Variants in ELMO1 observed in about 807,000 individuals in gnomAD.
ELMO1 encodes engulfment and cell motility 1, also known as engulfment and cell motility protein 1.
Under a neutral mutation model 98.9 loss-of-function variants are expected in ELMO1, and 26 were observed. That is an observed-to-expected ratio of 0.26 (90% CI 0.19 to 0.36). The LOEUF is 0.36. Among genes scored for constraint, ELMO1 ranks in the 10% least tolerant of loss-of-function variants. The probability of loss-of-function intolerance (pLI) is 1.00; values close to 1 mark genes in which losing one functional copy is unlikely to be tolerated. For missense variants in ELMO1, 627 were observed against 935.2 expected (o/e 0.67, Z 4.30); for synonymous variants, 346 against 346.0 (o/e 1.00, Z 0.00).
chr7:37,428,705 G>C (rs1804808995), intron 1 of ELMO1, among the ~76,000 whole-genome samples: 1 of 152,250 alleles, frequency 6.6e-6, no homozygotes, highest in Non-Finnish European at 1.5e-5. Flanking sequence ...TTGCTGCTCA[G>C]AAGATCAGCT....
At chr7:37,173,732 G>A (rs1419040864) in intron 13 of ELMO1, among the ~76,000 whole-genome samples, 1 of 152,190 alleles carries the variant, frequency 6.6e-6, no homozygotes, top group African/African-American at 2.4e-5. Context: ...ATATAGAGAA[G>A]AGAAAAGAAA....
intron 4 of ELMO1, among the ~76,000 whole-genome samples, chr7:37,291,362 A>G (rs1464679706): frequency 6.6e-6 from 1 of 152,216 alleles, no homozygotes; most frequent in Non-Finnish European, 1.5e-5. Flanking sequence ...AAAAGGACAA[A>G]TCTGATTGAT....
chr7:37,412,428 G>A (rs1003814834), intron 1 of ELMO1, among the ~76,000 whole-genome samples: 6 of 152,262 alleles, frequency 3.9e-5, no homozygotes, highest in Middle Eastern at 3.4e-3. Context: ...TGGATAAATT[G>A]CCAATTTCTA....
intron 16 of ELMO1, among the ~76,000 whole-genome samples, chr7:36,939,921 TG>T (rs1297653941): frequency 6.6e-6 from 1 of 152,258 alleles, no homozygotes; most frequent in African/African-American, 2.4e-5. Context: ...CAAACCAGTA[TG>T]AATGAATTCA....
rs951357470 is a variant in ELMO1 at position 36,935,063 on chromosome 7, A to C, written c.1438-40046T>G. Among the ~76,000 whole-genome samples the C allele has an allele frequency of 3.9e-5, 6 of 152,138 alleles. No homozygotes were observed. In the East Asian group the frequency reaches 1.2e-3, roughly 29 times the overall value. ...TATGGTTTGGCTGTGTCCTCACCCA[A>C]ACCCCATCTCGAATTGTAGCTCCCA... On this transcript the variant is annotated intron_variant, in intron 16 of 21. Transcript: ENST00000310758.
At chr7:37,395,155 C>T (rs1377794790) in intron 1 of ELMO1, among the ~76,000 whole-genome samples, 1 of 151,958 alleles carries the variant, frequency 6.6e-6, no homozygotes, top group South Asian at 2.1e-4. Flanking sequence ...CACCTGAGGT[C>T]GGGAGTTTGA....
intron 4 of ELMO1, among the ~76,000 whole-genome samples, chr7:37,298,531 C>T (rs1798180095): frequency 2.7e-5 from 4 of 148,194 alleles, no homozygotes; most frequent in Admixed American, 6.8e-5. Flanking sequence ...TCAATTCCCA[C>T]CTATGAGTGA....
intron 16 of ELMO1, among the ~76,000 whole-genome samples, chr7:36,899,792 T>C (rs1453899645): frequency 1.3e-5 from 2 of 150,966 alleles, no homozygotes; most frequent in African/African-American, 4.9e-5. Flanking sequence ...ATACTGGATA[T>C]CTGGCAAATG....
chr7:36,855,556 T>A lies in ELMO1; in HGVS notation c.2179A>T (p.Asn727Tyr), dbSNP rs1358707431. ...PSNYDFVYDC[N>Y] ...CATGTCTGGGCCCGGCCACTTCAGT[T>A]ACAGTCATAGACGAAGTCATAGTTG... Residue 727 changes from asparagine (N) to tyrosine (Y), a missense_variant, in exon 22 of 22, where the codon AAC (asparagine) becomes TAC (tyrosine). Asn to Tyr is a moderately radical substitution (Grantham distance 143). Transcript: ENST00000310758. This position sits in a 1 kb window ranked among gnomAD's most constrained non-coding sequence, Gnocchi z 4.2. 1 of 1,613,930 alleles carries A rather than the reference T, an allele frequency of 6.2e-7. No homozygotes were observed. Among genetic ancestry groups the A allele is most frequent in the African/African-American group, 1.3e-5 (1 of 74,926 alleles).
intron 14 of ELMO1, 136 bp downstream of exon 14, chr7:37,132,994 T>C (rs1331476023): frequency 3.5e-6 from 2 of 575,530 alleles, no homozygotes; most frequent in East Asian, 6.5e-5. Context: ...TTCTGATTTT[T>C]TTTTTTTTTT....
At chr7:37,018,952 C>T (rs770035694) in intron 15 of ELMO1, among the ~76,000 whole-genome samples, 22 of 152,022 alleles carry the variant, frequency 1.4e-4, no homozygotes, top group African/African-American at 4.3e-4. Context: ...CATAGATAAG[C>T]GGGGGGCGGG....
intron 6 of ELMO1, among the ~76,000 whole-genome samples, chr7:37,257,156 C>T (rs536881377): frequency 6.6e-6 from 1 of 152,338 alleles, no homozygotes; most frequent in African/African-American, 2.4e-5. Context: ...TAAGAGCTGG[C>T]CCCGCCTGGC....
chr7:37,209,792 G>A (rs867913619), intron 13 of ELMO1, among the ~76,000 whole-genome samples: 3 of 152,098 alleles, frequency 2.0e-5, no homozygotes, highest in African/African-American at 4.8e-5. Context: ...TTTGGTCATC[G>A]ACACACAAGT....
At chr7:37,049,777 C>CTTT (rs34896674) in intron 15 of ELMO1, among the ~76,000 whole-genome samples, 2 of 131,068 alleles carry the variant, frequency 1.5e-5, no homozygotes, top group African/African-American at 2.8e-5. Context: ...TGTTTTGTTT[C>CTTT]TTTTTTTTTT....
intron 1 of ELMO1, among the ~76,000 whole-genome samples, chr7:37,391,055 CCTT>C (rs1292944923): frequency 6.7e-5 from 10 of 148,426 alleles, no homozygotes; most frequent in East Asian, 2.0e-4. Flanking sequence ...TTCCTTCCTT[CCTT>C]CCTCCCTCCC....
intron 1 of ELMO1, among the ~76,000 whole-genome samples, chr7:37,432,732 A>G (rs1174906454): frequency 6.6e-6 from 1 of 152,236 alleles, no homozygotes; most frequent in Non-Finnish European, 1.5e-5. Flanking sequence ...CTCGTCACCC[A>G]CAGGCACTGG....
chr7:36,861,826 G>C lies in ELMO1; in HGVS notation c.1906-90C>G. 2.4e-6 allele frequency: 3 copies of C among 1,266,872 alleles called. No homozygotes were observed. The South Asian group carries it at 3.6e-5, about 15-fold the overall frequency. 78.5% of individuals were successfully genotyped at this position (1,266,872 alleles called of 1,614,324 possible). A position where few individuals can be genotyped will look rare whatever the true frequency, so the allele number is the denominator to read the frequency against. On this transcript the variant is annotated intron_variant, in intron 20 of 21. Transcript: ENST00000310758. ...ATGGCTGCACATTGACCATGGCATA[G>C]GGCCAGCTTGTCTAGCCAAGCGGAG...
chr7:37,116,677 A>G (rs1785615512), intron 14 of ELMO1: 1 of 152,046 alleles, frequency 6.6e-6, no homozygotes, highest in African/African-American at 2.4e-5. Flanking sequence ...AAATTAAAAA[A>G]AAAAAAAGAA....
intron 16 of ELMO1, among the ~76,000 whole-genome samples, chr7:37,013,025 G>T (rs939273567): frequency 6.6e-6 from 1 of 152,092 alleles, no homozygotes; most frequent in African/African-American, 2.4e-5. Context: ...CCTTGATAAC[G>T]TGTCCCAAGA....
Sources: gnomAD v4.1 joint callset for allele counts (sites outside exome capture counted in the v4.1 genomes callset) on GRCh38, gnomAD v4.1.1 for gene constraint, Gnocchi (gnomAD v3.1) non-coding constraint, MANE v1.5 for transcripts, NCBI Gene and HGNC (gene_info 2026-07-23, HGNC 2026-07-21) for gene names.